RPS6KC1: variants seen among roughly 807,000 people sequenced by gnomAD.
The protein encoded by RPS6KC1 is ribosomal protein S6 kinase C1, also known as inactive ribosomal protein S6 kinase delta-1.
Under a neutral mutation model 103.8 loss-of-function variants are expected in RPS6KC1, and 54 were observed. The ratio of observed to expected loss-of-function variants is 0.52; its 90% CI spans 0.42 to 0.65. The LOEUF (loss-of-function observed/expected upper bound fraction) is 0.65. Ranked by LOEUF, RPS6KC1 falls within the 30% of genes least tolerant of loss-of-function variation. The probability of loss-of-function intolerance (pLI) is 0.00; values close to 1 mark genes in which losing one functional copy is unlikely to be tolerated. For synonymous variants in RPS6KC1, 439 were observed against 438.7 expected, an observed-to-expected ratio of 1.00 and a Z score of -0.01; for missense variants, 1,151 against 1,253.8, an observed-to-expected ratio of 0.92 and a Z score of 1.24.
chr1:213,748,040 G>A, the RPS6KC1 span, among the ~76,000 whole-genome samples: 2 of 152,146 alleles, frequency 1.3e-5, no homozygotes, highest in African/African-American at 2.4e-5. Context: ...GAGGAGCCAG[G>A]TGGGTTACAA....
chr1:213,469,655 A>G, the RPS6KC1 span, among the ~76,000 whole-genome samples: 1 of 152,030 alleles, frequency 6.6e-6, no homozygotes, highest in Non-Finnish European at 1.5e-5. Flanking sequence ...GTCCTGCATC[A>G]TATCATTTCA....
At chr1:213,173,027 C>T (rs2091596933) in intron 7 of RPS6KC1, among the ~76,000 whole-genome samples, 1 of 152,158 alleles carries the variant, frequency 6.6e-6, no homozygotes, top group Non-Finnish European at 1.5e-5. Context: ...ATTTAATCCC[C>T]TCTTATCTAT....
chr1:213,581,464 C>T, the RPS6KC1 span, among the ~76,000 whole-genome samples: 2 of 152,186 alleles, frequency 1.3e-5, no homozygotes, highest in East Asian at 1.9e-4. Context: ...AGTCCCAGTC[C>T]GATCCCAGGA....
chr1:213,625,599 T>G, the RPS6KC1 span, among the ~76,000 whole-genome samples: 1 of 152,156 alleles, frequency 6.6e-6, no homozygotes, highest in South Asian at 2.1e-4. Flanking sequence ...CCCACAACAG[T>G]CCCCGGTGTG....
intron 6 of RPS6KC1, among the ~76,000 whole-genome samples, chr1:213,132,359 A>G (rs955698057): frequency 2.0e-5 from 3 of 152,160 alleles, no homozygotes; most frequent in South Asian, 2.1e-4. Context: ...AATGTGATCA[A>G]TTTTTATTCA....
At chr1:213,296,468 G>C in the RPS6KC1 span, among the ~76,000 whole-genome samples, 1 of 152,288 alleles carries the variant, frequency 6.6e-6, no homozygotes, top group East Asian at 1.9e-4. Flanking sequence ...GGGGTCTCTT[G>C]CATTCTCTAT....
chr1:213,559,158 A>C, the RPS6KC1 span, among the ~76,000 whole-genome samples: 123 of 152,318 alleles, frequency 8.1e-4, no homozygotes, highest in African/African-American at 2.8e-3. Context: ...TTCATCCTTC[A>C]CTTTGCCATT....
chr1:213,586,319 C>A, the RPS6KC1 span, among the ~76,000 whole-genome samples: 27 of 152,346 alleles, frequency 1.8e-4, no homozygotes, highest in South Asian at 4.8e-3. Context: ...CTCTCAGCCC[C>A]TGGCTCGGCC....
chr1:213,650,611 C>T, the RPS6KC1 span, among the ~76,000 whole-genome samples: 8 of 152,096 alleles, frequency 5.3e-5, no homozygotes, highest in African/African-American at 1.2e-4. Context: ...TACAGATGAA[C>T]GGAAACCTGG....
chr1:213,828,532 C>T, the RPS6KC1 span, among the ~76,000 whole-genome samples: 3 of 152,252 alleles, frequency 2.0e-5, no homozygotes, highest in South Asian at 6.2e-4. Flanking sequence ...CTTCCAAGTT[C>T]AGAATGAGAC....
chr1:213,515,835 C>A, the RPS6KC1 span, among the ~76,000 whole-genome samples: 4 of 152,078 alleles, frequency 2.6e-5, no homozygotes, highest in African/African-American at 4.8e-5. Context: ...TGGCCATTTT[C>A]GCGATATTGA....
the RPS6KC1 span, among the ~76,000 whole-genome samples, chr1:213,363,800 T>C: frequency 3.3e-3 from 367 of 111,546 alleles, 26 homozygotes; most frequent in Non-Finnish European, 5.4e-3. Flanking sequence ...CTTTCTTTCT[T>C]TCTTTCTTTC....
At chr1:213,834,483 A>G in the RPS6KC1 span, among the ~76,000 whole-genome samples, 19 of 152,298 alleles carry the variant, frequency 1.2e-4, no homozygotes, top group Non-Finnish European at 2.5e-4. Flanking sequence ...TTATCTCACT[A>G]AAAGCATTTT....
At chr1:213,665,760 T>C in the RPS6KC1 span, among the ~76,000 whole-genome samples, 1 of 152,208 alleles carries the variant, frequency 6.6e-6, no homozygotes, top group Non-Finnish European at 1.5e-5. Flanking sequence ...TGTTTGTAGA[T>C]TGACAGATCT....
chr1:213,690,156 T>A, the RPS6KC1 span, among the ~76,000 whole-genome samples: 4 of 152,210 alleles, frequency 2.6e-5, no homozygotes, highest in Middle Eastern at 3.2e-3. Flanking sequence ...TTTGGATGGT[T>A]CAGCCTGTAT....
chr1:213,661,390 G>A, the RPS6KC1 span, among the ~76,000 whole-genome samples: 3 of 152,124 alleles, frequency 2.0e-5, no homozygotes, highest in South Asian at 2.1e-4. Context: ...CGGGCTGGGC[G>A]AGCCTCCTTG....
At chr1:213,357,733 T>C in the RPS6KC1 span, among the ~76,000 whole-genome samples, 1 of 152,186 alleles carries the variant, frequency 6.6e-6, no homozygotes, top group Non-Finnish European at 1.5e-5. Context: ...TTTTTCAGCA[T>C]TCAGATGGGC....
the RPS6KC1 span, among the ~76,000 whole-genome samples, chr1:213,361,200 C>T: frequency 6.6e-6 from 1 of 152,250 alleles, no homozygotes; most frequent in African/African-American, 2.4e-5. Flanking sequence ...CTGCGGTGGG[C>T]TCCACCCAGT....
the RPS6KC1 span, among the ~76,000 whole-genome samples, chr1:213,824,361 C>T: frequency 6.6e-6 from 1 of 152,208 alleles, no homozygotes; most frequent in South Asian, 2.1e-4. Flanking sequence ...CTCCCTCATC[C>T]TCCCTTGTTA....
Sources: gnomAD v4.1 joint callset for allele counts (sites outside exome capture counted in the v4.1 genomes callset) on GRCh38, gnomAD v4.1.1 for gene constraint, MANE v1.5 for transcripts, NCBI Gene and HGNC (gene_info 2026-07-23, HGNC 2026-07-21) for gene names.